Variants in SLC25A18 observed in about 807,000 individuals in gnomAD.
The protein encoded by SLC25A18 is solute carrier family 25 member 18, also known as mitochondrial glutamate carrier 2.
A neutral mutation model predicts 31.1 loss-of-function variants in SLC25A18; 24 were observed. The ratio of observed to expected loss-of-function variants is 0.77; its 90% confidence interval spans 0.56 to 1.08. The LOEUF (loss-of-function observed/expected upper bound fraction) is 1.08, where lower values mean the gene tolerates loss of function less well. Ranked by LOEUF, SLC25A18 falls within the 50% of genes least tolerant of loss-of-function variation. The pLI is 0.00. For missense variants in SLC25A18, 371 were observed against 418.5 expected, an observed-to-expected ratio of 0.89 and a Z score of 0.99; for synonymous variants, 173 against 161.9, an observed-to-expected ratio of 1.07 and a Z score of -0.52.
At chr22:17,585,622 TA>T (rs2057520977) in intron 7 of SLC25A18, among the ~76,000 whole-genome samples, 1 of 147,386 alleles carries the variant, frequency 6.8e-6, no homozygotes, top group Non-Finnish European at 1.5e-5. Context: ...TTTATTTTAT[TA>T]TTATTTATTT....
chr22:17,565,679 C>G (rs995037776), intron 1 of SLC25A18, among the ~76,000 whole-genome samples: 4 of 151,992 alleles, frequency 2.6e-5, no homozygotes, highest in African/African-American at 9.7e-5. Flanking sequence ...ACCAGCCTGA[C>G]AAACATGGAG....
At chr22:17,581,771 C>T in intron 5 of SLC25A18, 1 of 250,018 alleles carries the variant, frequency 4.0e-6, no homozygotes, top group Non-Finnish European at 7.7e-6. Context: ...CTCGGTCCAG[C>T]GTTGCTGCGG....
chr22:17,576,515 G>A (rs188124184), intron 2 of SLC25A18, among the ~76,000 whole-genome samples: 21 of 152,272 alleles, frequency 1.4e-4, no homozygotes, highest in African/African-American at 4.8e-5. Context: ...TATCTGTAGC[G>A]TGACTAACAC....
intron 10 of SLC25A18, 110 bp from the exon 11 acceptor site, chr22:17,589,985 G>A (rs2057673097): frequency 6.9e-7 from 1 of 1,457,438 alleles, no homozygotes; most frequent in Non-Finnish European, 9.3e-7. Context: ...TGCTCTTGTT[G>A]TGGAAGGCAC....
intron 7 of SLC25A18, among the ~76,000 whole-genome samples, chr22:17,586,691 A>C (rs1374542196): frequency 6.6e-6 from 1 of 152,226 alleles, no homozygotes; most frequent in Non-Finnish European, 1.5e-5. Context: ...AGGCAGGAGA[A>C]TCACTTGAAC....
chr22:17,572,921 A>G (rs946493692), intron 2 of SLC25A18, among the ~76,000 whole-genome samples: 6 of 152,106 alleles, frequency 3.9e-5, no homozygotes, highest in East Asian at 1.9e-4. Context: ...GATTACAGGC[A>G]TGAGCCATGG....
rs547401239 is a variant in SLC25A18, at chr22:17,566,405, G to A, written c.-264+2692G>A. ...CACATCTCTTCCCTCCTGTGAGCAG[G>A]CTGTCATTTTCTTTTTTTTTTTTCC... On this transcript the variant is annotated intron_variant, in intron 1 of 10. Transcript: ENST00000327451. Among the ~76,000 whole-genome samples, 4 of 150,240 alleles carry A rather than the reference G, an allele frequency of 2.7e-5. No homozygotes were observed. The East Asian group carries it at 7.8e-4, about 29-fold the overall frequency.
intron 2 of SLC25A18, among the ~76,000 whole-genome samples, chr22:17,572,863 A>G (rs780262158): frequency 3.6e-4 from 55 of 151,336 alleles, no homozygotes; most frequent in Non-Finnish European, 5.0e-4. Flanking sequence ...GGATGGTCTC[A>G]ATCTCCTGAC....
intron 2 of SLC25A18, among the ~76,000 whole-genome samples, chr22:17,577,388 C>T (rs771441022): frequency 6.2e-4 from 91 of 146,160 alleles, no homozygotes; most frequent in Non-Finnish European, 5.3e-4. Flanking sequence ...AAACTCCTGA[C>T]GTCAGGTGAT....
Position 17,579,970 on chromosome 22 carries a change from C to G in SLC25A18, c.20+6C>G, listed in dbSNP as rs569673843. 8 of 1,609,900 alleles carry G rather than the reference C, an allele frequency of 5.0e-6. No individual in the cohort carries two copies. Among genetic ancestry groups the G allele is most frequent in the Admixed American group, 3.4e-5 (2 of 59,430 alleles). Reference sequence around the variant, plus strand: ...ATGACCCACCAGGATCTGAGGTGAGCTCGGCTGGGGCAGCCTGAGGCCCTG... The same window carrying G: ...ATGACCCACCAGGATCTGAGGTGAGGTCGGCTGGGGCAGCCTGAGGCCCTG... On this transcript the variant is annotated splice_donor_region_variant and intron_variant, in intron 3 of 10. Coordinates refer to ENST00000327451, the MANE Select transcript of SLC25A18 (RefSeq NM_031481.3).
At chr22:17,569,383 A>T (rs1384576544) in intron 1 of SLC25A18, among the ~76,000 whole-genome samples, 2 of 152,208 alleles carry the variant, frequency 1.3e-5, no homozygotes, top group Non-Finnish European at 2.9e-5. Flanking sequence ...GCCCTCCTGC[A>T]GCTGAGCACG....
At chr22:17,568,261 G>A (rs1324292262) in intron 1 of SLC25A18, among the ~76,000 whole-genome samples, 2 of 151,670 alleles carry the variant, frequency 1.3e-5, no homozygotes, top group African/African-American at 4.8e-5. Flanking sequence ...CAGCTACTCG[G>A]GAGGCTGAGG....
At chr22:17,569,736 A>G in intron 1 of SLC25A18, 188 bp from the exon 2 acceptor site, 1 of 985,434 alleles carries the variant, frequency 1.0e-6, no homozygotes, top group Non-Finnish European at 1.2e-6. Context: ...GGGGAGGTGC[A>G]GCGTGGCTTG....
intron 2 of SLC25A18, among the ~76,000 whole-genome samples, chr22:17,574,915 G>A (rs184877267): frequency 9.3e-5 from 14 of 150,426 alleles, no homozygotes; most frequent in African/African-American, 9.8e-5. Context: ...GCAGTGGTGC[G>A]ATCTCAACTC....
intron 9 of SLC25A18, chr22:17,588,657 A>G (rs1309495376): frequency 6.6e-6 from 1 of 152,190 alleles, no homozygotes; most frequent in Non-Finnish European, 1.5e-5. Context: ...CTCAAAAAGT[A>G]AATAAATACA....
At chr22:17,571,615 G>A (rs776113013) in intron 2 of SLC25A18, among the ~76,000 whole-genome samples, 3 of 152,002 alleles carry the variant, frequency 2.0e-5, no homozygotes, top group Non-Finnish European at 4.4e-5. Context: ...CAAATTAGCC[G>A]GGCGTGATGG....
intron 1 of SLC25A18, among the ~76,000 whole-genome samples, chr22:17,569,298 G>A (rs1411433933): frequency 3.3e-5 from 5 of 152,056 alleles, no homozygotes; most frequent in Admixed American, 6.5e-5. Flanking sequence ...GTGAGCCACC[G>A]CGCCCAGCCC....
At chr22:17,564,649 C>G (rs149740938) in intron 1 of SLC25A18, among the ~76,000 whole-genome samples, 2,971 of 152,158 alleles carry the variant, frequency 0.02, 79 homozygotes, top group African/African-American at 0.068. Flanking sequence ...ATCACGAGGT[C>G]AAGAGATGGA....
At position 17,588,061 on chromosome 22, in the gene SLC25A18, G is replaced by A. The variant is rs779943299; in HGVS notation, c.712G>A (p.Ala238Thr). The A allele has an allele frequency of 2.9e-5, 47 of 1,614,054 alleles. No homozygotes were observed. The South Asian group carries it at 3.2e-4, about 11-fold the overall frequency. ...GCVAGSIAAV[A>T]VTPLDVLKTR... ...TGTGGCAGGTTCCATAGCTGCGGTC[G>A]CAGTGACGCCTCTAGATGGTAAGGA... The change falls in exon 9 of 11, where the codon GCA (alanine) becomes ACA (threonine). Residue 238 changes from alanine (A) to threonine (T), a missense_variant. Ala to Thr is a moderately conservative substitution (Grantham distance 58). Coordinates refer to ENST00000327451, the MANE Select transcript of SLC25A18 (RefSeq NM_031481.3).
Sources: gnomAD v4.1 joint callset for allele counts (sites outside exome capture counted in the v4.1 genomes callset) on GRCh38, gnomAD v4.1.1 for gene constraint, MANE v1.5 for transcripts, NCBI Gene and HGNC (gene_info 2026-07-23, HGNC 2026-07-21) for gene names.